Variants in SMYD3 observed in about 807,000 individuals in gnomAD.
SMYD3 encodes SET and MYND domain containing 3, also known as histone-lysine N-methyltransferase SMYD3.
SMYD3 carries 36 observed loss-of-function variants against 57.7 expected under a neutral mutation model. The observed-to-expected ratio is 0.62, with a 90% CI of 0.48 to 0.82. The LOEUF is 0.82. SMYD3 is among the 40% of genes least tolerant of loss of function. The pLI is 0.00. For synonymous variants in SMYD3, 211 were observed against 195.0 expected, an observed-to-expected ratio of 1.08 and a Z score of -0.68; for missense variants, 515 against 538.8, an observed-to-expected ratio of 0.96 and a Z score of 0.44.
chr1:246,507,029 G>A (rs771168959), intron 1 of SMYD3, 25 bp downstream of exon 1: 1 of 1,470,410 alleles, frequency 6.8e-7, no homozygotes, highest in South Asian at 1.3e-5. Context: ...CGCGACTCAG[G>A]TAGGCGAGGG....
At chr1:245,945,182 CA>C (rs1236931377) in intron 5 of SMYD3, among the ~76,000 whole-genome samples, 22 of 152,120 alleles carry the variant, frequency 1.4e-4, no homozygotes, top group African/African-American at 7.2e-5. Context: ...AAACTGTCAT[CA>C]GAGCAAACAG....
chr1:245,869,350 T>C (rs1436424024), intron 8 of SMYD3, among the ~76,000 whole-genome samples: 2 of 152,238 alleles, frequency 1.3e-5, no homozygotes, highest in Non-Finnish European at 2.9e-5. Flanking sequence ...GTGGCATCTC[T>C]GCCCTGACCC....
chr1:245,752,823 G>C (rs2045446565), intron 11 of SMYD3, among the ~76,000 whole-genome samples: 1 of 152,156 alleles, frequency 6.6e-6, no homozygotes, highest in African/African-American at 2.4e-5. Context: ...GGATCATCTA[G>C]TCCAATACCC....
chr1:246,276,693 C>T (rs201990654), intron 5 of SMYD3, among the ~76,000 whole-genome samples: 1 of 146,588 alleles, frequency 6.8e-6, no homozygotes, highest in African/African-American at 2.5e-5. Context: ...TTTTCACTAG[C>T]CGTATTAACA....
rs1252324819 is a variant in SMYD3, at chr1:246,477,833, A to G, written c.164+29221T>C. Among the ~76,000 whole-genome samples, 7 of 152,108 alleles carry G rather than the reference A, an allele frequency of 4.6e-5. No homozygotes were observed. In the East Asian group the frequency reaches 1.2e-3, roughly 25 times the overall value. On this transcript the variant is annotated intron_variant, in intron 1 of 11. Transcript: ENST00000490107. ...AACTGAGGTAACAAGTATTTCCCAC[A>G]CTCTCAGAATGAATCTGTAATTTAA...
At chr1:245,864,785 C>T (rs900605490) in intron 8 of SMYD3, among the ~76,000 whole-genome samples, 8 of 152,066 alleles carry the variant, frequency 5.3e-5, no homozygotes, top group African/African-American at 1.9e-4. Flanking sequence ...CTCAATAATG[C>T]TGATATTTTA....
At chr1:245,833,073 A>AAAAAAAAAAACACAAC in intron 10 of SMYD3, among the ~76,000 whole-genome samples, 15 of 128,652 alleles carry the variant, frequency 1.2e-4, no homozygotes, top group South Asian at 3.1e-4. Context: ...AAAAAAAAAA[A>AAAAAAAAAAACACAAC]AACCTGCTTT....
chr1:246,444,297 T>C (rs920033713), intron 1 of SMYD3, among the ~76,000 whole-genome samples: 4 of 152,102 alleles, frequency 2.6e-5, no homozygotes, highest in African/African-American at 9.7e-5. Flanking sequence ...GGCTAATTTT[T>C]GTATTTTTGG....
intron 10 of SMYD3, among the ~76,000 whole-genome samples, chr1:245,825,207 G>A (rs1164221425): frequency 1.3e-5 from 2 of 152,006 alleles, no homozygotes; most frequent in African/African-American, 2.4e-5. Context: ...TGTAATCTTT[G>A]CCAGCGTGTG....
intron 2 of SMYD3, among the ~76,000 whole-genome samples, chr1:246,354,669 G>C (rs2065883458): frequency 1.3e-5 from 2 of 150,504 alleles, no homozygotes; most frequent in Non-Finnish European, 3.0e-5. Flanking sequence ...TTTAAACATA[G>C]GATGTAGATA....
At chr1:245,840,768 T>C (rs1572486047) in intron 10 of SMYD3, among the ~76,000 whole-genome samples, 1 of 149,346 alleles carries the variant, frequency 6.7e-6, no homozygotes, top group East Asian at 2.0e-4. Context: ...AAAAACAAAG[T>C]TGCAGCTAAG....
At chr1:246,343,207 T>G (rs1389047892) in intron 2 of SMYD3, among the ~76,000 whole-genome samples, 1 of 152,234 alleles carries the variant, frequency 6.6e-6, no homozygotes, top group Non-Finnish European at 1.5e-5. Flanking sequence ...ATAGTTTGGC[T>G]GGAAAGCAAA....
intron 5 of SMYD3, among the ~76,000 whole-genome samples, chr1:246,206,690 C>T (rs1024287454): frequency 6.6e-6 from 1 of 152,184 alleles, no homozygotes; most frequent in Non-Finnish European, 1.5e-5. Context: ...AGCATCTTCT[C>T]AGACAAGTAG....
At chr1:246,145,771 T>C (rs566691178) in intron 5 of SMYD3, among the ~76,000 whole-genome samples, 1 of 152,352 alleles carries the variant, frequency 6.6e-6, no homozygotes, top group African/African-American at 2.4e-5. Flanking sequence ...CCATGTAGAC[T>C]GCTAAGCATA....
At chr1:245,889,280 A>T (rs925315599) in intron 8 of SMYD3, among the ~76,000 whole-genome samples, 1 of 152,230 alleles carries the variant, frequency 6.6e-6, no homozygotes, top group Non-Finnish European at 1.5e-5. Flanking sequence ...TTATTTTTGC[A>T]TGGCACCATG....
chr1:246,218,405 C>A (rs574250366), intron 5 of SMYD3, among the ~76,000 whole-genome samples: 2 of 152,004 alleles, frequency 1.3e-5, no homozygotes, highest in Non-Finnish European at 2.9e-5. Context: ...AGGCGGATCA[C>A]GAGGTCAGGA....
intron 7 of SMYD3, among the ~76,000 whole-genome samples, chr1:245,927,431 A>G (rs771028379): frequency 3.9e-5 from 6 of 152,322 alleles, no homozygotes; most frequent in Middle Eastern, 3.4e-3. Flanking sequence ...TCAAGTCCCA[A>G]TGTCAGCCTG....
chr1:246,181,955 G>A (rs1051190657), intron 5 of SMYD3, among the ~76,000 whole-genome samples: 12 of 152,122 alleles, frequency 7.9e-5, no homozygotes, highest in African/African-American at 2.9e-4. Context: ...AATTACCTTT[G>A]CTTATTTCAC....
chr1:246,269,757 G>C (rs2064183443), intron 5 of SMYD3, among the ~76,000 whole-genome samples: 1 of 151,954 alleles, frequency 6.6e-6, no homozygotes, highest in Non-Finnish European at 1.5e-5. Context: ...CTTTTTTGTA[G>C]AGAAGCTGTC....
Sources: gnomAD v4.1 joint callset for allele counts (sites outside exome capture counted in the v4.1 genomes callset) on GRCh38, gnomAD v4.1.1 for gene constraint, MANE v1.5 for transcripts, NCBI Gene and HGNC (gene_info 2026-07-23, HGNC 2026-07-21) for gene names.